INPP5D: variants seen among roughly 807,000 people sequenced by gnomAD.
INPP5D encodes inositol polyphosphate-5-phosphatase D.
In INPP5D, 33 loss-of-function variants were observed where a neutral mutation model predicts 122.9. The observed-to-expected ratio is 0.27, with a 90% CI of 0.20 to 0.36. The LOEUF (loss-of-function observed/expected upper bound fraction) is 0.36, where lower values mean the gene tolerates loss of function less well. Among genes scored for constraint, INPP5D ranks in the 10% least tolerant of loss-of-function variants. INPP5D has a pLI of 1.00. For missense variants in INPP5D, 1,053 were observed against 1,412.7 expected (o/e 0.75, Z 4.08); for synonymous variants, 584 against 576.2 (o/e 1.01, Z -0.19).
At chr2:233,065,790 G>T (rs2106195955) in intron 1 of INPP5D, among the ~76,000 whole-genome samples, 1 of 151,846 alleles carries the variant, frequency 6.6e-6, no homozygotes, top group African/African-American at 2.4e-5. Context: ...GGGATTACAG[G>T]TACCCACCAC....
chr2:233,099,881 C>T (rs577625883), intron 2 of INPP5D, among the ~76,000 whole-genome samples: 15 of 152,238 alleles, frequency 9.9e-5, no homozygotes, highest in African/African-American at 3.1e-4. Context: ...CTCACAGTTC[C>T]ACGTGGCTGG....
chr2:233,202,907 A>G (rs34865199), intron 25 of INPP5D, among the ~76,000 whole-genome samples: 23,422 of 152,180 alleles, frequency 0.15, 2,277 homozygotes, highest in Non-Finnish European at 0.21. Flanking sequence ...TCTTCTAGCT[A>G]CTGGCCTTGG....
In INPP5D at chr2:233,193,953, A is replaced by G. The variant is rs1257157856; in HGVS notation, c.2588A>G (p.Lys863Arg). The G allele has an allele frequency of 1.2e-6, 2 of 1,601,410 alleles. No individual in the cohort carries two copies. The change falls in exon 23 of 27, where the codon AAG becomes AGG. Residue 863 changes from lysine to arginine, a missense_variant. By Grantham distance (26) the Lys-to-Arg change is conservative. Transcript: ENST00000445964. ...LQTSQGKTRE[K>R]LYDFVKTERD... is the part of the protein sequence containing the mutation. ...ACCTCTCAGGGCAAGACGAGGGAGAAGCTCTATGGTAAGCAGCAAGCCCCT... is the reference window on the plus strand; with the variant it reads ...ACCTCTCAGGGCAAGACGAGGGAGAGGCTCTATGGTAAGCAGCAAGCCCCT...
intron 20 of INPP5D, 106 bp downstream of exon 20, chr2:233,184,627 C>A: frequency 6.9e-7 from 1 of 1,452,556 alleles, no homozygotes; most frequent in Non-Finnish European, 9.3e-7. Flanking sequence ...CTGGAAAGGA[C>A]TCACGAAGCT....
chr2:233,188,961 G>A lies in INPP5D; in HGVS notation c.2359-889G>A, dbSNP rs1024720543. Among the ~76,000 whole-genome samples, 10 of 152,226 alleles carry A rather than the reference G, an allele frequency of 6.6e-5. No homozygotes were observed. Among genetic ancestry groups the A allele is most frequent in the African/African-American group, 2.4e-4 (10 of 41,452 alleles). ...GCCTTTTGGTGTCTGGAAAGGAAGGGAGGGAATCGCCTAGAACAAAGTATC... is the reference window on the plus strand; with the variant it reads ...GCCTTTTGGTGTCTGGAAAGGAAGGAAGGGAATCGCCTAGAACAAAGTATC... On this transcript the variant is annotated intron_variant, in intron 21 of 26. Coordinates refer to ENST00000445964, the MANE Select transcript of INPP5D (RefSeq NM_001017915.3). The surrounding 1 kb of genome is among the most constrained non-coding windows in gnomAD (Gnocchi z 4.7).
At chr2:233,143,663 A>T (rs1192124106) in intron 6 of INPP5D, among the ~76,000 whole-genome samples, 5 of 152,332 alleles carry the variant, frequency 3.3e-5, no homozygotes, top group Non-Finnish European at 7.3e-5. Context: ...GGAAAGACCA[A>T]AAAGTGGTTA....
chr2:233,156,608 A>G (rs1694060411), intron 9 of INPP5D, among the ~76,000 whole-genome samples: 1 of 152,110 alleles, frequency 6.6e-6, no homozygotes, highest in African/African-American at 2.4e-5. Context: ...GCTTCCTTCT[A>G]AGTACAGCGA....
rs1694267090 is a variant in INPP5D, at chr2:233,164,214, C to CG, written c.1438-93_1438-92insG. The CG allele has an allele frequency of 2.0e-6, 3 of 1,470,322 alleles. No homozygotes were observed. The East Asian group carries it at 7.5e-5, about 37-fold the overall frequency. The allele number at this position is 1,470,322 out of a possible 1,614,324, so 91.1% of individuals were successfully genotyped here. On this transcript the variant is annotated intron_variant, in intron 12 of 26. Coordinates refer to ENST00000445964, the MANE Select transcript of INPP5D (RefSeq NM_001017915.3). This position sits in a 1 kb window ranked among gnomAD's most constrained non-coding sequence, Gnocchi z 4.3. ...GGATTACAGACAGGATACCCCATAC[C>CG]CAGGGGCTGCGGCTGGGGCTGGGTG...
chr2:233,205,035 A>T (rs1370984802), intron 26 of INPP5D: 3 of 336,970 alleles, frequency 8.9e-6, no homozygotes, highest in Non-Finnish European at 1.6e-5. Context: ...CAGAGGAAGA[A>T]GATTCCATAA....
chr2:233,108,750 G>A (rs115199714), intron 2 of INPP5D, among the ~76,000 whole-genome samples: 2,491 of 152,256 alleles, frequency 0.016, 57 homozygotes, highest in African/African-American at 0.052. Context: ...CCCTCCCAGG[G>A]CAGCACGGGG....
At position 233,078,053 on chromosome 2, in the gene INPP5D, T is replaced by C. The variant is rs1436722198; in HGVS notation, c.135-1282T>C. Among the ~76,000 whole-genome samples the C allele has an allele frequency of 6.6e-6, 1 of 152,090 alleles. No individual in the cohort carries two copies. Among genetic ancestry groups the C allele is most frequent in the Admixed American group, 6.5e-5 (1 of 15,270 alleles). On this transcript the variant is annotated intron_variant, in intron 1 of 26. Transcript: ENST00000445964. This position sits in a 1 kb window ranked among gnomAD's most constrained non-coding sequence, Gnocchi z 4.6. ...CTTCCGGGCTCAGGAGAATCTTAAG[T>C]AGCAAAATGGGGCAAGATTATGGTG...
intron 6 of INPP5D, among the ~76,000 whole-genome samples, chr2:233,142,995 C>T (rs1452902385): frequency 6.6e-6 from 1 of 152,164 alleles, no homozygotes; most frequent in African/African-American, 2.4e-5. Flanking sequence ...CAAATGTCCC[C>T]TGGAGGGCAA....
chr2:233,147,529 C>A lies in INPP5D; in HGVS notation c.965C>A (p.Ser322Tyr). ...QKMQLKVDVE[S>Y]GKLIIKKSKD... Reference sequence around the variant, plus strand: ...ATGCAGCTCAAAGTCGACGTTGAGTCTGGGAAACTGATCATTAAGAAGTCC... The same window carrying A: ...ATGCAGCTCAAAGTCGACGTTGAGTATGGGAAACTGATCATTAAGAAGTCC... The change falls in exon 9 of 27, where the codon TCT becomes TAT. Residue 322 changes from serine (S) to tyrosine (Y), a missense_variant. By Grantham distance (144) the Ser-to-Tyr change is moderately radical. Transcript: ENST00000445964. 1 of 704,286 alleles carries A rather than the reference C, an allele frequency of 1.4e-6. No homozygotes were observed. Among genetic ancestry groups the A allele is most frequent in the South Asian group, 1.5e-5 (1 of 67,598 alleles). The allele number at this position is 704,286 out of a possible 1,614,324, so 43.6% of individuals were successfully genotyped here.
chr2:233,200,683 G>A (rs2106327807), intron 25 of INPP5D, among the ~76,000 whole-genome samples: 1 of 152,286 alleles, frequency 6.6e-6, no homozygotes, highest in South Asian at 2.1e-4. Flanking sequence ...GATAGGCCAG[G>A]CGCGGTGGCT....
At chr2:233,163,557 G>A (rs1310485562) in intron 11 of INPP5D, 150 bp from the exon 12 acceptor site, 16 of 1,411,702 alleles carry the variant, frequency 1.1e-5, no homozygotes, top group Non-Finnish European at 1.5e-5. Flanking sequence ...TGGCGCCCAG[G>A]CCTCCATTGC....
chr2:233,081,070 G>A (rs1691675318), intron 2 of INPP5D, among the ~76,000 whole-genome samples: 1 of 152,206 alleles, frequency 6.6e-6, no homozygotes, highest in Non-Finnish European at 1.5e-5. Context: ...CTTTCCACTG[G>A]CCTAGGGCGC....
intron 17 of INPP5D, among the ~76,000 whole-genome samples, chr2:233,172,469 G>A (rs1305526829): frequency 6.6e-5 from 10 of 152,208 alleles, no homozygotes; most frequent in East Asian, 3.9e-4. Context: ...AGCTAGGGCC[G>A]AATCAGGGAA....
At chr2:233,074,447 C>G (rs1260957243) in intron 1 of INPP5D, among the ~76,000 whole-genome samples, 1 of 152,194 alleles carries the variant, frequency 6.6e-6, no homozygotes. Flanking sequence ...AATGCTTTCT[C>G]CCTTCTGGAG....
intron 11 of INPP5D, 78 bp from the exon 12 acceptor site, chr2:233,163,629 G>A (rs2106295138): frequency 6.9e-6 from 11 of 1,600,750 alleles, no homozygotes; most frequent in Non-Finnish European, 7.7e-6. Flanking sequence ...TCACACTCCC[G>A]CCCTCTGTTT....
Sources: gnomAD v4.1 joint callset for allele counts (sites outside exome capture counted in the v4.1 genomes callset) on GRCh38, gnomAD v4.1.1 for gene constraint, Gnocchi (gnomAD v3.1) non-coding constraint, MANE v1.5 for transcripts, NCBI Gene and HGNC (gene_info 2026-07-23, HGNC 2026-07-21) for gene names.